SLC16A4: variants seen among roughly 807,000 people sequenced by gnomAD.
SLC16A4 encodes solute carrier family 16 member 4.
A neutral mutation model predicts 47.9 loss-of-function variants in SLC16A4; 39 were observed. The ratio of observed to expected loss-of-function variants is 0.81; its 90% CI spans 0.63 to 1.06. SLC16A4 has a LOEUF of 1.06. Among genes scored for constraint, SLC16A4 ranks in the 50% least tolerant of loss-of-function variants. The probability of loss-of-function intolerance (pLI) is 0.00; values close to 1 mark genes in which losing one functional copy is unlikely to be tolerated. For missense variants in SLC16A4, 524 were observed against 573.8 expected (o/e 0.91, Z 0.89); for synonymous variants, 189 against 199.9 (o/e 0.95, Z 0.46).
chr1:110,369,323 G>T (rs1396411811), intron 8 of SLC16A4, among the ~76,000 whole-genome samples: 1 of 152,022 alleles, frequency 6.6e-6, no homozygotes, highest in Non-Finnish European at 1.5e-5. Context: ...AACATGGCCG[G>T]GTGCAGTGGC....
chr1:110,374,272 C>T (rs532482914), intron 8 of SLC16A4, among the ~76,000 whole-genome samples: 11 of 152,270 alleles, frequency 7.2e-5, no homozygotes, highest in Admixed American at 5.9e-4. Flanking sequence ...AACTCCTGAC[C>T]TCAGGTGATC....
chr1:110,363,762 T>A lies in SLC16A4; in HGVS notation c.*4A>T. ...GCTCTCACTTGATTGCAGTCTTCTTTCTTTCAGGTCAGACTGTTTTTCCAT... is the reference window on the plus strand; with the variant it reads ...GCTCTCACTTGATTGCAGTCTTCTTACTTTCAGGTCAGACTGTTTTTCCAT... On this transcript the variant is annotated 3_prime_UTR_variant, in exon 9 of 9. Transcript: ENST00000369779. The A allele has an allele frequency of 6.3e-7, 1 of 1,598,116 alleles. No individual in the cohort carries two copies. Among genetic ancestry groups the A allele is most frequent in the Non-Finnish European group, 8.5e-7 (1 of 1,175,230 alleles).
At chr1:110,386,885 T>A (rs1254607289) in intron 2 of SLC16A4, among the ~76,000 whole-genome samples, 1 of 152,212 alleles carries the variant, frequency 6.6e-6, no homozygotes, top group Non-Finnish European at 1.5e-5. Flanking sequence ...CTGTACTAGC[T>A]CTTATCAAGG....
Position 110,385,549 on chromosome 1 carries a change from A to G in SLC16A4, c.88-2583T>C, listed in dbSNP as rs116797274. ...ATGCCTACTCTTTTCAGTTTTTTCT[A>G]TTGGTACCATCCACCCATTCATTTG... is the stretch of plus-strand genomic sequence containing the variant. On this transcript the variant is annotated intron_variant, in intron 2 of 8. Coordinates refer to ENST00000369779, the MANE Select transcript of SLC16A4 (RefSeq NM_004696.3). 6.0e-3 allele frequency among the ~76,000 whole-genome samples: 919 copies of G among 152,172 alleles called. 14 individuals are homozygous for G. Among genetic ancestry groups the G allele is most frequent in the African/African-American group, 0.021 (887 of 41,500 alleles).
chr1:110,375,903 A>G (rs1661971710), intron 7 of SLC16A4, among the ~76,000 whole-genome samples: 1 of 152,158 alleles, frequency 6.6e-6, no homozygotes, highest in Non-Finnish European at 1.5e-5. Flanking sequence ...TTTTTGAGAC[A>G]GGGTTTCACT....
chr1:110,363,895 T>C lies in SLC16A4; in HGVS notation c.1337-2A>G, dbSNP rs1661220308. On this transcript the variant is annotated splice_acceptor_variant, in intron 8 of 8. Transcript: ENST00000369779. LOFTEE classifies it high-confidence loss of function. ...TCTGGGTATAATCATATAACCAGCC[T>C]GGAAGGAAGGAATGATTTCTGTTAG... 1.9e-6 allele frequency: 3 copies of C among 1,596,884 alleles called. No homozygotes were observed. The highest frequency in any genetic ancestry group is 2.6e-6 in the Non-Finnish European group (3 of 1,174,264).
chr1:110,370,430 C>T (rs577829733), intron 8 of SLC16A4: 2 of 151,976 alleles, frequency 1.3e-5, no homozygotes, highest in African/African-American at 4.8e-5. Flanking sequence ...AATAGTGGAG[C>T]GAGGACCAGA....
chr1:110,366,508 C>T (rs1570626664), intron 8 of SLC16A4, among the ~76,000 whole-genome samples: 1 of 152,272 alleles, frequency 6.6e-6, no homozygotes, highest in East Asian at 1.9e-4. Flanking sequence ...ACAGGACAAA[C>T]CTCATGAGGT....
chr1:110,383,769 T>G (rs1401688872), intron 2 of SLC16A4, among the ~76,000 whole-genome samples: 1 of 30,286 alleles, frequency 3.3e-5, no homozygotes, highest in African/African-American at 1.7e-4. Context: ...GAAGGAAGTG[T>G]TTTTTTTTTT....
intron 2 of SLC16A4, among the ~76,000 whole-genome samples, chr1:110,383,805 G>GGTTTTT (rs1557913543): frequency 3.0e-5 from 2 of 65,736 alleles, no homozygotes; most frequent in Non-Finnish European, 5.4e-5. Context: ...TTAAAAGGAG[G>GGTTTTT]TTTTTTTTTT....
At chr1:110,366,158 ACT>A (rs1661379003) in intron 8 of SLC16A4, among the ~76,000 whole-genome samples, 2 of 113,498 alleles carry the variant, frequency 1.8e-5, no homozygotes, top group South Asian at 5.7e-4. Context: ...TCACTCACTC[ACT>A]TTTTTTTTTG....
chr1:110,375,542 A>G lies in SLC16A4; in HGVS notation c.1252T>C (p.Cys418Arg). The change falls in exon 8 of 9, where the codon TGT becomes CGT. Residue 418 changes from cysteine to arginine, a missense_variant. Coordinates refer to ENST00000369779, the MANE Select transcript of SLC16A4 (RefSeq NM_004696.3). ...ALILPVLVDL[C>R]RNSTVNRFLG... Reference sequence around the variant, plus strand: ...AACCTGTTTACTGTAGAATTCCTACACAGATCAACCTGTAGGAATTAGAAT... The same window carrying G: ...AACCTGTTTACTGTAGAATTCCTACGCAGATCAACCTGTAGGAATTAGAAT... 1.9e-6 allele frequency: 3 copies of G among 1,599,436 alleles called. No individual in the cohort carries two copies. The highest frequency in any genetic ancestry group is 2.6e-6 in the Non-Finnish European group (3 of 1,166,742).
At position 110,375,775 on chromosome 1, in the gene SLC16A4, A is replaced by G. The variant is rs185689405; in HGVS notation, c.1243-224T>C. Among the ~76,000 whole-genome samples, 26 of 152,286 alleles carry G rather than the reference A, an allele frequency of 1.7e-4. No homozygotes were observed. The East Asian group carries it at 4.8e-3, about 28-fold the overall frequency. On this transcript the variant is annotated intron_variant, in intron 7 of 8. Coordinates refer to ENST00000369779, the MANE Select transcript of SLC16A4 (RefSeq NM_004696.3). ...TTTTCAGTTTATTAGTAAGAACACA[A>G]GTTTTTATTTTCATTTTAATTTTTT...
chr1:110,379,318 C>A lies in SLC16A4; in HGVS notation c.565G>T (p.Val189Leu). The A allele has an allele frequency of 6.2e-7, 1 of 1,606,188 alleles. No individual in the cohort carries two copies. Among genetic ancestry groups the A allele is most frequent in the East Asian group, 2.2e-5 (1 of 44,620 alleles). Residue 189 changes from valine (V) to leucine (L), a missense_variant, in exon 6 of 9, where the codon GTG becomes TTG. Transcript: ENST00000369779. ...ILFGAIALNL[V>L]PSSMLLRPIH... is the part of the protein sequence containing the mutation. ...GGTCTTAAGAGCATACTAGAAGGCA[C>A]CAAATTCAATGCGATAGCTCCAAAT...
Position 110,363,641 on chromosome 1 carries a change from AAAAT to A in SLC16A4, c.*121_*124del. On this transcript the variant is annotated 3_prime_UTR_variant, in exon 9 of 9. Coordinates refer to ENST00000369779, the MANE Select transcript of SLC16A4 (RefSeq NM_004696.3). ...ACTCCGTCTCAAAAAAAAAAAAAAAAAAATTGTTTTCCTTCTCATGTTACAAATG... is the reference window on the plus strand; with the variant it reads ...ACTCCGTCTCAAAAAAAAAAAAAAAATGTTTTCCTTCTCATGTTACAAATG... 2 of 1,047,766 alleles carry A rather than the reference AAAAT, an allele frequency of 1.9e-6. No homozygotes were observed. Among genetic ancestry groups the A allele is most frequent in the Non-Finnish European group, 2.6e-6 (2 of 759,742 alleles). 64.9% of individuals were successfully genotyped at this position (1,047,766 alleles called of 1,614,324 possible).
At position 110,389,327 on chromosome 1, in the gene SLC16A4, G is replaced by C; in HGVS notation, c.-4C>G. 6.2e-7 allele frequency: 1 copy of C among 1,603,010 alleles called. No individual in the cohort carries two copies. The highest frequency in any genetic ancestry group is 8.5e-7 in the Non-Finnish European group (1 of 1,169,912). On this transcript the variant is annotated 5_prime_UTR_variant, in exon 2 of 9. Transcript: ENST00000369779. ...CCTTCCCCTCCCTCTTCAGCATGAT[G>C]CCTCTTCTATTTTAAATGCAGAAGA...
chr1:110,381,120 G>C lies in SLC16A4; in HGVS notation c.388C>G (p.Gln130Glu). The change falls in exon 5 of 9, where the codon CAA becomes GAA. Residue 130 changes from glutamine to glutamate, a missense_variant. By Grantham distance (29) the Gln-to-Glu change is conservative. Coordinates refer to ENST00000369779, the MANE Select transcript of SLC16A4 (RefSeq NM_004696.3). ...LPGLGSAFLY[Q>E]VAAVVTTKYF... The stretch of plus-strand genomic sequence containing the variant: ...TTGGTAGTTACCACAGCAGCCACTT[G>C]GTATAAGAAAGCAGAACCCAAACCT... 6.2e-7 allele frequency: 1 copy of C among 1,613,998 alleles called. No individual in the cohort carries two copies.
chr1:110,385,416 G>C (rs1662681050), intron 2 of SLC16A4, among the ~76,000 whole-genome samples: 2 of 152,214 alleles, frequency 1.3e-5, no homozygotes, highest in Non-Finnish European at 2.9e-5. Flanking sequence ...ACAATTAACT[G>C]TGGTTTCCAT....
At chr1:110,383,594 A>G (rs540059058) in intron 2 of SLC16A4, among the ~76,000 whole-genome samples, 4 of 152,206 alleles carry the variant, frequency 2.6e-5, no homozygotes, top group Admixed American at 6.5e-5. Context: ...AGGGCCTGCA[A>G]ATTATCTCAA....
Sources: gnomAD v4.1 joint callset for allele counts (sites outside exome capture counted in the v4.1 genomes callset) on GRCh38, gnomAD v4.1.1 for gene constraint, MANE v1.5 for transcripts, NCBI Gene and HGNC (gene_info 2026-07-23, HGNC 2026-07-21) for gene names.